The following BPNT1 variants were observed in gnomAD, a reference collection of about 807,000 sequenced individuals.
BPNT1 encodes 3'(2'),5'-bisphosphate nucleotidase 1.
BPNT1 carries 28 observed loss-of-function variants against 36.9 expected under a neutral mutation model. The ratio of observed to expected loss-of-function variants is 0.76; its 90% CI spans 0.56 to 1.04. BPNT1 has a LOEUF of 1.04. Ranked by LOEUF, BPNT1 falls within the 50% of genes least tolerant of loss-of-function variation. The pLI, the probability that BPNT1 is intolerant of heterozygous loss-of-function variation, is 0.00. For synonymous variants in BPNT1, 119 were observed against 130.9 expected, an observed-to-expected ratio of 0.91 and a Z score of 0.62; for missense variants, 313 against 372.9, an observed-to-expected ratio of 0.84 and a Z score of 1.32.
At chr1:220,075,431 T>C (rs1415352964) in intron 2 of BPNT1, among the ~76,000 whole-genome samples, 1 of 152,234 alleles carries the variant, frequency 6.6e-6, no homozygotes, top group Non-Finnish European at 1.5e-5. Flanking sequence ...AGATTTGCTG[T>C]ATATCTCAAT....
intron 1 of BPNT1, among the ~76,000 whole-genome samples, chr1:220,082,356 T>C (rs1402834361): frequency 6.6e-6 from 1 of 151,454 alleles, no homozygotes; most frequent in African/African-American, 2.4e-5. Context: ...AATTTTTGTA[T>C]TTTTAGTAGA....
intron 7 of BPNT1, among the ~76,000 whole-genome samples, chr1:220,061,612 G>C (rs985300302): frequency 2.0e-5 from 3 of 151,938 alleles, no homozygotes; most frequent in African/African-American, 7.3e-5. Flanking sequence ...GAAGGAAGGA[G>C]TCTAGGATGA....
In BPNT1 at chr1:220,068,757, C is replaced by G. The variant is rs188188593; in HGVS notation, c.382+627G>C. Among the ~76,000 whole-genome samples the G allele has an allele frequency of 3.1e-3, 479 of 152,212 alleles. 2 individuals are homozygous for G. Among genetic ancestry groups the G allele is most frequent in the African/African-American group, 0.011 (453 of 41,552 alleles). On this transcript the variant is annotated intron_variant, in intron 5 of 8. Coordinates refer to ENST00000322067, the MANE Select transcript of BPNT1 (RefSeq NM_006085.6). Reference sequence around the variant, plus strand: ...CCTGGGAGGCAGAGGTTGCAGTGAGCCGAGATGGTGCCACTGCACTCTAGC... The same window carrying G: ...CCTGGGAGGCAGAGGTTGCAGTGAGGCGAGATGGTGCCACTGCACTCTAGC...
rs1019468605 is a variant in BPNT1 at position 220,083,330 on chromosome 1, C to CT, written c.-8-3477dup. ...TAAGATGAAAATTAAACGGGTTTCT[C>CT]TTTTTTTTTTTTGAGATGGAGTCTC... On this transcript the variant is annotated intron_variant, in intron 1 of 8. Coordinates refer to ENST00000322067, the MANE Select transcript of BPNT1 (RefSeq NM_006085.6). 2.1e-3 allele frequency among the ~76,000 whole-genome samples: 299 copies of CT among 144,364 alleles called. 2 individuals are homozygous for CT. The highest frequency in any genetic ancestry group is 4.3e-3 in the African/African-American group (168 of 39,310). The allele number at this position is 144,364 out of a possible 152,430, so 94.7% of individuals were successfully genotyped here.
chr1:220,068,073 T>C (rs1329827359), intron 5 of BPNT1, among the ~76,000 whole-genome samples: 1 of 152,162 alleles, frequency 6.6e-6, no homozygotes, highest in Admixed American at 6.6e-5. Flanking sequence ...AACAGTAAAA[T>C]AGTTTTTTTC....
At chr1:220,085,346 C>T (rs1006478106) in intron 1 of BPNT1, among the ~76,000 whole-genome samples, 1 of 152,206 alleles carries the variant, frequency 6.6e-6, no homozygotes, top group African/African-American at 2.4e-5. Context: ...TTCTGAAAGC[C>T]TAATCTAAAA....
At chr1:220,073,019 TCTC>T in intron 3 of BPNT1, 62 bp from the exon 4 acceptor site, 1 of 1,273,112 alleles carries the variant, frequency 7.9e-7, no homozygotes, top group Non-Finnish European at 1.1e-6. Context: ...GTATGCTTTG[TCTC>T]ATTAACAGAA....
intron 6 of BPNT1, among the ~76,000 whole-genome samples, chr1:220,063,264 C>T (rs1374180995): frequency 2.6e-5 from 4 of 152,114 alleles, no homozygotes; most frequent in African/African-American, 9.7e-5. Context: ...AGGAGAATGG[C>T]GTGAACCTGG....
chr1:220,077,647 C>G (rs1486553794), intron 2 of BPNT1, among the ~76,000 whole-genome samples: 1 of 152,178 alleles, frequency 6.6e-6, no homozygotes, highest in Non-Finnish European at 1.5e-5. Context: ...AACTTTTGAA[C>G]GTGAGTTCAA....
At chr1:220,074,132 T>G in intron 2 of BPNT1, 61 bp from the exon 3 acceptor site, 3 of 1,464,610 alleles carry the variant, frequency 2.0e-6, no homozygotes, top group Non-Finnish European at 2.9e-6. Flanking sequence ...CTCTGATTCC[T>G]TGTGCATGAG....
intron 2 of BPNT1, among the ~76,000 whole-genome samples, chr1:220,078,874 C>T (rs191035252): frequency 1.6e-3 from 238 of 152,124 alleles, no homozygotes; most frequent in Middle Eastern, 6.8e-3. Context: ...AGGATTAAGG[C>T]GTGAGCCACC....
intron 2 of BPNT1, among the ~76,000 whole-genome samples, chr1:220,076,095 G>A (rs542672615): frequency 3.9e-4 from 60 of 152,246 alleles, no homozygotes; most frequent in African/African-American, 1.2e-3. Flanking sequence ...GGGGCTGGGC[G>A]CAGTGGCTCA....
Position 220,057,795 on chromosome 1 carries a change from A to G in BPNT1, c.*1049T>C. On this transcript the variant is annotated 3_prime_UTR_variant, in exon 9 of 9. Transcript: ENST00000322067. ...CTGTTTCATAAGCATATATAATAAC[A>G]TCATATATATTCTTAATTGGAGTAG... 8.9e-7 allele frequency: 1 copy of G among 1,126,858 alleles called. No homozygotes were observed. Among genetic ancestry groups the G allele is most frequent in the Non-Finnish European group, 1.2e-6 (1 of 830,272 alleles). 69.8% of individuals were successfully genotyped at this position (1,126,858 alleles called of 1,614,324 possible).
intron 4 of BPNT1, among the ~76,000 whole-genome samples, chr1:220,070,715 G>A (rs2102683143): frequency 6.6e-6 from 1 of 150,964 alleles, no homozygotes; most frequent in East Asian, 2.0e-4. Context: ...GCCTACCTCA[G>A]CCTCCCAAAG....
At chr1:220,081,185 T>C (rs933071655) in intron 1 of BPNT1, among the ~76,000 whole-genome samples, 3 of 152,094 alleles carry the variant, frequency 2.0e-5, no homozygotes, top group African/African-American at 7.2e-5. Flanking sequence ...TCCCCCCCCT[T>C]GGCCTCCCAA....
In BPNT1 at chr1:220,058,441, A is replaced by T. The variant is rs1485687316; in HGVS notation, c.*403T>A. The stretch of plus-strand genomic sequence containing the variant: ...AACAATGAATAAAGGTGGAACTCTA[A>T]TTCTACCCAATTAATCTTAAAATGT... On this transcript the variant is annotated 3_prime_UTR_variant, in exon 9 of 9. Transcript: ENST00000322067. 2.6e-5 allele frequency: 25 copies of T among 967,640 alleles called. No individual in the cohort carries two copies. Among genetic ancestry groups the T allele is most frequent in the Non-Finnish European group, 3.1e-5 (25 of 811,832 alleles). 59.9% of individuals were successfully genotyped at this position (967,640 alleles called of 1,614,324 possible). A position where few individuals can be genotyped will look rare whatever the true frequency, so the allele number is the denominator to read the frequency against.
At position 220,062,965 on chromosome 1, in the gene BPNT1, G is replaced by A. The variant is rs756616704; in HGVS notation, c.475-11C>T. 5 of 1,613,706 alleles carry A rather than the reference G, an allele frequency of 3.1e-6. No homozygotes were observed. Among genetic ancestry groups the A allele is most frequent in the Admixed American group, 1.7e-5 (1 of 60,010 alleles). On this transcript the variant is annotated splice_polypyrimidine_tract_variant and intron_variant, in intron 6 of 8. Transcript: ENST00000322067. ...AGCATCTGGTCCTGCCTGTGTAAAC[G>A]AGTGAAACAACAAGACTTGTGGTTA...
chr1:220,086,963 C>T (rs1430555527), intron 1 of BPNT1, among the ~76,000 whole-genome samples: 2 of 148,144 alleles, frequency 1.4e-5, no homozygotes, highest in African/African-American at 2.5e-5. Context: ...AGGAGAATTG[C>T]TCGAACTTGG....
intron 1 of BPNT1, among the ~76,000 whole-genome samples, chr1:220,086,911 T>C (rs1037603647): frequency 1.3e-4 from 19 of 150,838 alleles, no homozygotes; most frequent in Admixed American, 1.3e-4. Context: ...GCCGGGCATA[T>C]TGGCGGGCGC....
Sources: gnomAD v4.1 joint callset for allele counts (sites outside exome capture counted in the v4.1 genomes callset) on GRCh38, gnomAD v4.1.1 for gene constraint, MANE v1.5 for transcripts, NCBI Gene and HGNC (gene_info 2026-07-23, HGNC 2026-07-21) for gene names.